Variants in TMC1 observed in about 807,000 individuals in gnomAD.
The protein encoded by TMC1 is transmembrane channel like 1.
A neutral mutation model predicts 105.8 loss-of-function variants in TMC1; 84 were observed. The ratio of observed to expected loss-of-function variants is 0.79; its 90% CI spans 0.67 to 0.95. The LOEUF is 0.95. Among genes scored for constraint, TMC1 ranks in the 40% least tolerant of loss-of-function variants. TMC1 has a pLI of 0.00. For missense variants in TMC1, 817 were observed against 914.1 expected, an observed-to-expected ratio of 0.89 and a Z score of 1.37; for synonymous variants, 315 against 311.5, an observed-to-expected ratio of 1.01 and a Z score of -0.12.
chr9:72,731,243 A>G (rs190445594), intron 8 of TMC1, among the ~76,000 whole-genome samples: 49 of 152,364 alleles, frequency 3.2e-4, no homozygotes, highest in Admixed American at 3.1e-3. Flanking sequence ...TACAAAAAAT[A>G]TAGACCTTGG....
intron 4 of TMC1, among the ~76,000 whole-genome samples, chr9:72,635,258 A>C (rs1825514436): frequency 6.6e-6 from 1 of 151,952 alleles, no homozygotes; most frequent in Non-Finnish European, 1.5e-5. Flanking sequence ...GTCTCCAAAA[A>C]AAAAAAAAGA....
chr9:72,790,505 CA>C (rs1828249473), intron 15 of TMC1, among the ~76,000 whole-genome samples: 1 of 152,088 alleles, frequency 6.6e-6, no homozygotes, highest in East Asian at 1.9e-4. Flanking sequence ...AAAATGGTCT[CA>C]TAATTGTAAT....
chr9:72,779,203 GC>G (rs1828053147), intron 13 of TMC1, among the ~76,000 whole-genome samples: 2 of 152,326 alleles, frequency 1.3e-5, no homozygotes, highest in South Asian at 4.1e-4. Context: ...CCTGAAATCA[GC>G]CAGAAATGAA....
At chr9:72,750,172 G>A (rs757983110) in intron 10 of TMC1, among the ~76,000 whole-genome samples, 47 of 152,100 alleles carry the variant, frequency 3.1e-4, no homozygotes, top group Non-Finnish European at 4.6e-4. Flanking sequence ...CTGTGAGGCC[G>A]GCCTCATCTA....
At chr9:72,681,004 C>G (rs150777829) in intron 5 of TMC1, among the ~76,000 whole-genome samples, 1 of 152,042 alleles carries the variant, frequency 6.6e-6, no homozygotes, top group Non-Finnish European at 1.5e-5. Context: ...AAAAATGCTA[C>G]GGAGGACAGA....
intron 18 of TMC1, among the ~76,000 whole-genome samples, chr9:72,812,230 A>G (rs1828718766): frequency 1.3e-5 from 2 of 152,318 alleles, no homozygotes; most frequent in South Asian, 4.1e-4. Context: ...GAGTTAGCAA[A>G]TGAACTGGGA....
intron 7 of TMC1, among the ~76,000 whole-genome samples, chr9:72,699,882 G>C (rs1420179022): frequency 1.4e-5 from 2 of 147,812 alleles, no homozygotes; most frequent in African/African-American, 5.0e-5. Context: ...GCTTGAACCT[G>C]AGAGGTGGAG....
intron 2 of TMC1, 162 bp from the exon 3 acceptor site, chr9:72,616,206 C>T (rs1022420664): frequency 1.3e-5 from 2 of 152,256 alleles, no homozygotes; most frequent in African/African-American, 4.8e-5. Context: ...GATTTAATGC[C>T]GTCTCTTCAC....
At chr9:72,602,725 T>G (rs1416172991) in intron 2 of TMC1, among the ~76,000 whole-genome samples, 1 of 152,198 alleles carries the variant, frequency 6.6e-6, no homozygotes, top group Admixed American at 6.5e-5. Flanking sequence ...TCAGAGACTT[T>G]GGAACCCTGA....
intron 19 of TMC1, among the ~76,000 whole-genome samples, chr9:72,820,156 G>C (rs1828844550): frequency 6.6e-6 from 1 of 152,186 alleles, no homozygotes; most frequent in Admixed American, 6.5e-5. Context: ...CTATAAGCTA[G>C]TTATAAATTT....
At chr9:72,608,320 C>T (rs1233790070) in intron 2 of TMC1, among the ~76,000 whole-genome samples, 2 of 152,222 alleles carry the variant, frequency 1.3e-5, no homozygotes, top group Non-Finnish European at 2.9e-5. Context: ...TCCAGGCACA[C>T]TGATAACGCT....
chr9:72,794,533 C>A (rs948131862), intron 17 of TMC1, among the ~76,000 whole-genome samples: 1 of 152,176 alleles, frequency 6.6e-6, no homozygotes, highest in Non-Finnish European at 1.5e-5. Context: ...AACATACCCC[C>A]CTCTGAAACC....
At chr9:72,595,546 C>T (rs150321889) in intron 2 of TMC1, among the ~76,000 whole-genome samples, 3 of 152,260 alleles carry the variant, frequency 2.0e-5, no homozygotes, top group African/African-American at 7.2e-5. Context: ...ATGGCCAGAA[C>T]GCTGTTTACT....
intron 8 of TMC1, among the ~76,000 whole-genome samples, chr9:72,725,042 AT>A (rs1226872570): frequency 1.8e-4 from 27 of 152,116 alleles, no homozygotes; most frequent in South Asian, 1.2e-3. Context: ...GGGAAGAGTT[AT>A]CCAGATCTCA....
At chr9:72,793,849 C>G (rs1828318277) in intron 17 of TMC1, among the ~76,000 whole-genome samples, 1 of 152,204 alleles carries the variant, frequency 6.6e-6, no homozygotes, top group Admixed American at 6.5e-5. Flanking sequence ...CCTAGGCCTC[C>G]AGCTACCCTC....
intron 17 of TMC1, among the ~76,000 whole-genome samples, chr9:72,794,418 A>G (rs1828329456): frequency 1.3e-5 from 2 of 152,212 alleles, no homozygotes; most frequent in Admixed American, 6.5e-5. Context: ...GCGGCAACAC[A>G]GGGGAGCCTC....
intron 18 of TMC1, among the ~76,000 whole-genome samples, chr9:72,810,874 A>G (rs569970899): frequency 6.6e-6 from 1 of 152,324 alleles, no homozygotes; most frequent in South Asian, 2.1e-4. Flanking sequence ...TCATAGATAA[A>G]TCATAGTGGA....
Position 72,700,846 on chromosome 9 carries a change from G to T in TMC1, c.362+203G>T, listed in dbSNP as rs1324205155. 4 of 207,986 alleles carry T rather than the reference G, an allele frequency of 1.9e-5. 1 individual carries two copies. In the South Asian group the frequency reaches 4.6e-4, roughly 24 times the overall value. The allele number at this position is 207,986 out of a possible 1,614,324, so 12.9% of individuals were successfully genotyped here. A position where few individuals can be genotyped will look rare whatever the true frequency, so the allele number is the denominator to read the frequency against. ...TTATATATGACTCATTATATATAATGGTCACAGTCATAAACATGTATATCA... is the reference window on the plus strand; with the variant it reads ...TTATATATGACTCATTATATATAATTGTCACAGTCATAAACATGTATATCA... On this transcript the variant is annotated intron_variant, in intron 8 of 23. Transcript: ENST00000297784.
intron 5 of TMC1, among the ~76,000 whole-genome samples, chr9:72,668,826 A>G (rs1031361645): frequency 5.3e-5 from 8 of 152,172 alleles, no homozygotes; most frequent in Non-Finnish European, 2.9e-5. Context: ...TTCTTCATAG[A>G]GACACAGGGC....
Sources: allele counts gnomAD v4.1 joint callset (sites outside exome capture counted in the v4.1 genomes callset), GRCh38; gene constraint gnomAD v4.1.1; transcripts MANE v1.5; gene names NCBI Gene and HGNC (gene_info 2026-07-23, HGNC 2026-07-21).